Variants in SMAD4 observed in about 807,000 individuals in gnomAD.
The protein encoded by SMAD4 is SMAD family member 4, also known as MAD homolog 4.
A neutral mutation model predicts 63.2 loss-of-function variants in SMAD4; 7 were observed. That is an observed-to-expected ratio of 0.11 (90% confidence interval 0.06 to 0.21). The LOEUF is 0.21. SMAD4 is among the 10% of genes least tolerant of loss of function. The pLI is 1.00. For missense variants in SMAD4, 312 were observed against 693.8 expected (o/e 0.45, Z 6.18); for synonymous variants, 215 against 235.4 (o/e 0.91, Z 0.79).
chr18:51,042,170 A>G (rs891631320), intron 1 of SMAD4, among the ~76,000 whole-genome samples: 1 of 152,178 alleles, frequency 6.6e-6, no homozygotes, highest in Non-Finnish European at 1.5e-5. Context: ...AGACTTTCAG[A>G]TGCCCCAGAA....
In SMAD4 at chr18:51,048,128, TC is replaced by T. The variant is rs1909601035; in HGVS notation, c.250-557del. 2.6e-5 allele frequency among the ~76,000 whole-genome samples: 4 copies of T among 152,238 alleles called. No homozygotes were observed. The South Asian group carries it at 8.3e-4, about 31-fold the overall frequency. On this transcript the variant is annotated intron_variant, in intron 2 of 11. Coordinates refer to ENST00000342988, the MANE Select transcript of SMAD4 (RefSeq NM_005359.6). ...TTATTTCAAGACTTTACACATAGTT[TC>T]TGCAACACAGTCTTTTTGCATATTT...
chr18:51,048,835 C>T lies in SMAD4; in HGVS notation c.399C>T (p.Tyr133=), dbSNP rs779069779. ...GTGTCTGTGTGAATCCATATCACTA[C>T]GAACGAGTTGTATCACCTGGAATTG... is the stretch of plus-strand genomic sequence containing the variant. ...CDSVCVNPYH[Y]ERVVSPGIDL... Residue 133 remains tyrosine (Y), a synonymous_variant, in exon 3 of 12, where the codon TAC becomes TAT. Transcript: ENST00000342988. 8.7e-6 allele frequency: 14 copies of T among 1,613,530 alleles called. No homozygotes were observed. The highest frequency in any genetic ancestry group is 1.3e-5 in the African/African-American group (1 of 74,842).
At chr18:51,073,230 A>G (rs976363906) in intron 10 of SMAD4, among the ~76,000 whole-genome samples, 1 of 151,634 alleles carries the variant, frequency 6.6e-6, no homozygotes, top group African/African-American at 2.4e-5. Context: ...CACATTGGAG[A>G]GAGCCTATGT....
intron 1 of SMAD4, among the ~76,000 whole-genome samples, chr18:51,039,884 A>G (rs893631355): frequency 9.2e-5 from 14 of 152,264 alleles, no homozygotes; most frequent in African/African-American, 3.4e-4. Context: ...ATTCATCTTA[A>G]AAGTTAAAAA....
chr18:51,052,581 T>A (rs1184115733), intron 4 of SMAD4: 1 of 248,168 alleles, frequency 4.0e-6, no homozygotes, highest in Non-Finnish European at 8.2e-6. Context: ...TCTGTTTTTC[T>A]GGACTTTAAA....
chr18:51,070,289 T>G (rs1336684362), intron 10 of SMAD4, among the ~76,000 whole-genome samples: 1 of 151,562 alleles, frequency 6.6e-6, no homozygotes, highest in Non-Finnish European at 1.5e-5. Flanking sequence ...CATTGTGACT[T>G]ATTTATATTT....
intron 1 of SMAD4, among the ~76,000 whole-genome samples, chr18:51,038,179 C>T (rs1472035159): frequency 1.3e-5 from 2 of 151,356 alleles, no homozygotes; most frequent in Non-Finnish European, 2.9e-5. Flanking sequence ...ATTGCTTCAG[C>T]CAGGGAGTTC....
rs1035670318 is a variant in SMAD4, at chr18:51,051,335, C to T, written c.454+2011C>T. 6 of 455,932 alleles carry T rather than the reference C, an allele frequency of 1.3e-5. No individual in the cohort carries two copies. The Admixed American group carries it at 1.4e-4, about 11-fold the overall frequency. 28.2% of individuals were successfully genotyped at this position (455,932 alleles called of 1,614,324 possible). On this transcript the variant is annotated intron_variant, in intron 4 of 11. Transcript: ENST00000342988. Reference sequence around the variant, plus strand: ...GTGGTGGTTTTGTAAAGGCTGTCTTCAGTGTCTTATTTCCTCAGAAAACAA... The same window carrying T: ...GTGGTGGTTTTGTAAAGGCTGTCTTTAGTGTCTTATTTCCTCAGAAAACAA...
In SMAD4 at chr18:51,081,286, C is replaced by G. The variant is rs894151541; in HGVS notation, c.*2819C>G. 8.8e-6 allele frequency: 2 copies of G among 227,098 alleles called. No individual in the cohort carries two copies. The highest frequency in any genetic ancestry group is 1.1e-4 in the Admixed American group (2 of 17,582). 14.1% of individuals were successfully genotyped at this position (227,098 alleles called of 1,614,324 possible). A position where few individuals can be genotyped will look rare whatever the true frequency, so the allele number is the denominator to read the frequency against. On this transcript the variant is annotated 3_prime_UTR_variant, in exon 12 of 12. Coordinates refer to ENST00000342988, the MANE Select transcript of SMAD4 (RefSeq NM_005359.6). ...CAGTGCAAGCTGAATGAGAGATGAGCCATGTACACCCACCGTAAGACCTCA... is the reference window on the plus strand; with the variant it reads ...CAGTGCAAGCTGAATGAGAGATGAGGCATGTACACCCACCGTAAGACCTCA...
At chr18:51,042,696 T>C (rs1178450378) in intron 1 of SMAD4, among the ~76,000 whole-genome samples, 1 of 152,032 alleles carries the variant, frequency 6.6e-6, no homozygotes, top group African/African-American at 2.4e-5. Context: ...GTACCCGGAC[T>C]TGGTTGTTTT....
At chr18:51,038,644 G>C (rs1045856241) in intron 1 of SMAD4, among the ~76,000 whole-genome samples, 1 of 152,214 alleles carries the variant, frequency 6.6e-6, no homozygotes, top group African/African-American at 2.4e-5. Flanking sequence ...TGGGAATCCA[G>C]CTGTCTCCTA....
chr18:51,065,349 T>C (rs2144445827), intron 8 of SMAD4, 74 bp from the exon 9 acceptor site: 1 of 1,230,650 alleles, frequency 8.1e-7, no homozygotes, highest in Non-Finnish European at 1.2e-6. Flanking sequence ...TAGGAAAAAC[T>C]GTGTTGTGGA....
chr18:51,079,131 C>T lies in SMAD4; in HGVS notation c.*664C>T, dbSNP rs1910544475. The T allele has an allele frequency of 4.3e-6, 1 of 232,768 alleles. No individual in the cohort carries two copies. Among genetic ancestry groups the T allele is most frequent in the South Asian group, 1.8e-4 (1 of 5,532 alleles). 14.4% of individuals were successfully genotyped at this position (232,768 alleles called of 1,614,324 possible). ...CTTAATCTGTGTGTATATTGAGAAT[C>T]CCTTAAAATTACCAGACAAAAAAAT... On this transcript the variant is annotated 3_prime_UTR_variant, in exon 12 of 12. Coordinates refer to ENST00000342988, the MANE Select transcript of SMAD4 (RefSeq NM_005359.6).
rs912691207 is a variant in SMAD4, at chr18:51,080,564, T to G, written c.*2097T>G. The G allele has an allele frequency of 1.0e-5, 2 of 192,686 alleles. No homozygotes were observed. The highest frequency in any genetic ancestry group is 4.6e-5 in the African/African-American group (2 of 43,136). 11.9% of individuals were successfully genotyped at this position (192,686 alleles called of 1,614,324 possible). A position where few individuals can be genotyped will look rare whatever the true frequency, so the allele number is the denominator to read the frequency against. ...TTCATTGCTTCTTTTTTTTGAGATATGGAGTCTTGCTGTGTTGCCCAGGCA... is the reference window on the plus strand; with the variant it reads ...TTCATTGCTTCTTTTTTTTGAGATAGGGAGTCTTGCTGTGTTGCCCAGGCA... On this transcript the variant is annotated 3_prime_UTR_variant, in exon 12 of 12. Transcript: ENST00000342988.
At chr18:51,073,213 T>C (rs1910363942) in intron 10 of SMAD4, among the ~76,000 whole-genome samples, 1 of 151,750 alleles carries the variant, frequency 6.6e-6, no homozygotes, top group Non-Finnish European at 1.5e-5. Flanking sequence ...ATTGCGATTA[T>C]TTACAACACA....
chr18:51,062,351 T>C (rs972992154), intron 8 of SMAD4, among the ~76,000 whole-genome samples: 2 of 152,138 alleles, frequency 1.3e-5, no homozygotes, highest in African/African-American at 2.4e-5. Flanking sequence ...ACTACACAGA[T>C]TGAGAACTAA....
chr18:51,084,452 A>G lies in SMAD4; in HGVS notation c.*5985A>G, dbSNP rs886053934. The G allele has an allele frequency of 2.0e-5, 4 of 204,608 alleles. No homozygotes were observed. The highest frequency in any genetic ancestry group is 2.0e-4 in the South Asian group (1 of 5,108). 12.7% of individuals were successfully genotyped at this position (204,608 alleles called of 1,614,324 possible). A position where few individuals can be genotyped will look rare whatever the true frequency, so the allele number is the denominator to read the frequency against. On this transcript the variant is annotated 3_prime_UTR_variant, in exon 12 of 12. Transcript: ENST00000342988. The stretch of plus-strand genomic sequence containing the variant: ...TCTAGCCTACCCTTGGATGAGTACA[A>G]TTAATGAAATTCATATTTTCAAGGA...
In SMAD4 at chr18:51,083,531, T is replaced by C. The variant is rs917753503; in HGVS notation, c.*5064T>C. 1 of 228,248 alleles carries C rather than the reference T, an allele frequency of 4.4e-6. No homozygotes were observed. The highest frequency in any genetic ancestry group is 2.2e-5 in the African/African-American group (1 of 45,042). 14.1% of individuals were successfully genotyped at this position (228,248 alleles called of 1,614,324 possible). A position where few individuals can be genotyped will look rare whatever the true frequency, so the allele number is the denominator to read the frequency against. ...GAAGACAATCATTTCTCTCTGTTGA[T>C]GTGGATACTTTTCACACCGTTTATT... On this transcript the variant is annotated 3_prime_UTR_variant, in exon 12 of 12. Coordinates refer to ENST00000342988, the MANE Select transcript of SMAD4 (RefSeq NM_005359.6).
At chr18:51,041,106 G>C (rs896467308) in intron 1 of SMAD4, among the ~76,000 whole-genome samples, 1 of 151,790 alleles carries the variant, frequency 6.6e-6, no homozygotes, top group Non-Finnish European at 1.5e-5. Flanking sequence ...GGATCTTACC[G>C]CTTTTCTGGT....
Sources: allele counts gnomAD v4.1 joint callset (sites outside exome capture counted in the v4.1 genomes callset), GRCh38; gene constraint gnomAD v4.1.1; transcripts MANE v1.5; gene names NCBI Gene and HGNC (gene_info 2026-07-23, HGNC 2026-07-21).